Variants in MICU1 observed in about 807,000 individuals in gnomAD.
MICU1 encodes the protein calcium uptake protein 1, mitochondrial.
MICU1 carries 45 observed loss-of-function variants against 56.8 expected under a neutral mutation model. The ratio of observed to expected loss-of-function variants is 0.79; its 90% CI spans 0.62 to 1.02. MICU1 has a LOEUF of 1.02. Ranked by LOEUF, MICU1 falls within the 50% of genes least tolerant of loss-of-function variation. MICU1 has a pLI of 0.00. For synonymous variants in MICU1, 186 were observed against 195.1 expected (o/e 0.95, Z 0.39); for missense variants, 504 against 587.1 (o/e 0.86, Z 1.46).
intron 1 of MICU1, among the ~76,000 whole-genome samples, chr10:72,607,328 TG>T (rs1841717566): frequency 1.0e-5 from 1 of 95,500 alleles, no homozygotes; most frequent in African/African-American, 4.1e-5. Context: ...GCAACAAGAG[TG>T]AAACTCTGTT....
At chr10:72,419,250 G>A (rs1864080203) in intron 9 of MICU1, among the ~76,000 whole-genome samples, 1 of 152,130 alleles carries the variant, frequency 6.6e-6, no homozygotes, top group Admixed American at 6.6e-5. Context: ...TCCAGCATAG[G>A]GGTAAAAAAT....
intron 8 of MICU1, among the ~76,000 whole-genome samples, chr10:72,439,528 A>T (rs1409048819): frequency 1.3e-5 from 2 of 152,204 alleles, no homozygotes; most frequent in Non-Finnish European, 2.9e-5. Flanking sequence ...CCTATTCAAC[A>T]CAGTGTTGGA....
chr10:72,430,985 T>A (rs1334976427), intron 8 of MICU1, among the ~76,000 whole-genome samples: 1 of 152,222 alleles, frequency 6.6e-6, no homozygotes, highest in East Asian at 1.9e-4. Context: ...TTGTTTTTTT[T>A]AATCCTCATT....
At position 72,562,820 on chromosome 10, in the gene MICU1, T is replaced by C. The variant is rs117269507; in HGVS notation, c.330+75A>G. 28,315 of 1,225,700 alleles carry C rather than the reference T, an allele frequency of 0.023. 377 individuals carry two copies. The highest frequency in any genetic ancestry group is 0.027 in the Non-Finnish European group (24,905 of 925,484). 75.9% of individuals were successfully genotyped at this position (1,225,700 alleles called of 1,614,324 possible). A position where few individuals can be genotyped will look rare whatever the true frequency, so the allele number is the denominator to read the frequency against. On this transcript the variant is annotated intron_variant, in intron 3 of 11. Coordinates refer to ENST00000361114, the MANE Select transcript of MICU1 (RefSeq NM_001195518.2). The stretch of plus-strand genomic sequence containing the variant: ...GTGAAGATGAACCATCTGAAACATA[T>C]GATTAAAAAGATTGAACTGCATTAT...
chr10:72,533,673 A>G, intron 5 of MICU1, 73 bp downstream of exon 5: 1 of 1,142,770 alleles, frequency 8.8e-7, no homozygotes, highest in South Asian at 1.5e-5. Flanking sequence ...TCTCAAACAT[A>G]ACTATAGAGG....
chr10:72,406,692 T>C (rs1234511153), intron 10 of MICU1, among the ~76,000 whole-genome samples: 1 of 151,950 alleles, frequency 6.6e-6, no homozygotes, highest in Non-Finnish European at 1.5e-5. Context: ...TCCTGCACAA[T>C]CTTGGCTCAC....
At chr10:72,512,432 C>T (rs1425714972) in intron 5 of MICU1, among the ~76,000 whole-genome samples, 2 of 152,064 alleles carry the variant, frequency 1.3e-5, no homozygotes, top group Non-Finnish European at 2.9e-5. Context: ...TTAAGCCATA[C>T]TTAACTCCCA....
At chr10:72,401,996 A>G (rs984825051) in intron 10 of MICU1, among the ~76,000 whole-genome samples, 1 of 152,086 alleles carries the variant, frequency 6.6e-6, no homozygotes, top group Admixed American at 6.6e-5. Flanking sequence ...AATCCGCTAA[A>G]AAAAAATTGA....
intron 8 of MICU1, among the ~76,000 whole-genome samples, chr10:72,446,651 A>G (rs1865115413): frequency 6.6e-6 from 1 of 152,184 alleles, no homozygotes; most frequent in Non-Finnish European, 1.5e-5. Context: ...TTTAATAGAT[A>G]TTAACTAAAT....
chr10:72,460,727 T>A (rs189563121), intron 8 of MICU1, among the ~76,000 whole-genome samples: 7 of 152,244 alleles, frequency 4.6e-5, no homozygotes, highest in Admixed American at 1.3e-4. Context: ...CCCAGACTCC[T>A]CCAAGGCTGG....
intron 7 of MICU1, chr10:72,475,790 A>G (rs531673999): frequency 4.4e-6 from 2 of 455,012 alleles, no homozygotes; most frequent in African/African-American, 4.0e-5. Flanking sequence ...AAGCACACGG[A>G]ATTAAATAAC....
chr10:72,548,840 G>A (rs983166589), intron 4 of MICU1, among the ~76,000 whole-genome samples: 1 of 152,094 alleles, frequency 6.6e-6, no homozygotes, highest in Non-Finnish European at 1.5e-5. Context: ...GGGATTACAG[G>A]TGTGCACCAC....
intron 8 of MICU1, among the ~76,000 whole-genome samples, chr10:72,435,560 C>T (rs975580702): frequency 3.3e-5 from 5 of 152,074 alleles, no homozygotes; most frequent in African/African-American, 9.7e-5. Flanking sequence ...GGGCAGCCCA[C>T]GGAGGACGAG....
At chr10:72,547,935 T>C (rs1365732809) in intron 4 of MICU1, among the ~76,000 whole-genome samples, 6 of 152,220 alleles carry the variant, frequency 3.9e-5, no homozygotes, top group African/African-American at 1.4e-4. Context: ...CAACTCCCCT[T>C]AGCCCATCTG....
chr10:72,425,718 C>T (rs1339790317), intron 8 of MICU1, among the ~76,000 whole-genome samples: 2 of 152,250 alleles, frequency 1.3e-5, no homozygotes, highest in East Asian at 3.9e-4. Flanking sequence ...GAGGCAGGAA[C>T]CCCCTTATTT....
chr10:72,569,237 A>ATATATATATATTTTTTTTTTTTT, intron 1 of MICU1, among the ~76,000 whole-genome samples: 1 of 34,392 alleles, frequency 2.9e-5, no homozygotes, highest in African/African-American at 1.1e-4. Flanking sequence ...ATATATATAT[A>ATATATATATATTTTTTTTTTTTT]TTTTTTTTTT....
In MICU1 at chr10:72,477,246, T is replaced by A; in HGVS notation, c.663A>T (p.Arg221Ser). 6.5e-7 allele frequency: 1 copy of A among 1,547,068 alleles called. No individual in the cohort carries two copies. The highest frequency in any genetic ancestry group is 8.7e-7 in the Non-Finnish European group (1 of 1,146,042). ...FLTTVLSTPQRNFEIAFKMFD... is the reference protein window; with the variant it reads ...FLTTVLSTPQSNFEIAFKMFD... The stretch of plus-strand genomic sequence containing the variant: ...ACATCTTGAAGGCAATTTCAAAATT[T>A]CTCTGAGGAGCTGCAGAGGAGAGAA... The change falls in exon 7 of 12, where the codon AGA (arginine) becomes AGT (serine). Residue 221 changes from arginine to serine, a missense_variant. Coordinates refer to ENST00000361114, the MANE Select transcript of MICU1 (RefSeq NM_001195518.2).
intron 5 of MICU1, among the ~76,000 whole-genome samples, chr10:72,514,563 T>TC (rs1043094835): frequency 2.0e-5 from 3 of 152,198 alleles, no homozygotes; most frequent in African/African-American, 7.2e-5. Context: ...TTGTCATAGG[T>TC]CGTCACTCAA....
At chr10:72,413,739 T>TA (rs1295150866) in intron 9 of MICU1, among the ~76,000 whole-genome samples, 460 of 141,862 alleles carry the variant, frequency 3.2e-3, no homozygotes, top group African/African-American at 0.01. Flanking sequence ...GTCTCAAAAA[T>TA]AAAAAAAAAA....
Sources: allele counts gnomAD v4.1 joint callset (sites outside exome capture counted in the v4.1 genomes callset), GRCh38; gene constraint gnomAD v4.1.1; transcripts MANE v1.5; gene names NCBI Gene and HGNC (gene_info 2026-07-23, HGNC 2026-07-21).